Variants in MICU1 observed in about 807,000 individuals in gnomAD.
MICU1 encodes the protein calcium uptake protein 1, mitochondrial.
In MICU1, 45 loss-of-function variants were observed where a neutral mutation model predicts 56.8. The observed-to-expected ratio is 0.79, with a 90% CI of 0.62 to 1.02. The LOEUF (loss-of-function observed/expected upper bound fraction) is 1.02, where lower values mean the gene tolerates loss of function less well. Among genes scored for constraint, MICU1 ranks in the 50% least tolerant of loss-of-function variants. The probability of loss-of-function intolerance (pLI) is 0.00; values close to 1 mark genes in which losing one functional copy is unlikely to be tolerated. For missense variants in MICU1, 504 were observed against 587.1 expected, an observed-to-expected ratio of 0.86 and a Z score of 1.46; for synonymous variants, 186 against 195.1, an observed-to-expected ratio of 0.95 and a Z score of 0.39.
intron 8 of MICU1, among the ~76,000 whole-genome samples, chr10:72,471,577 TTTTA>T (rs773868344): frequency 2.7e-5 from 3 of 112,362 alleles, no homozygotes; most frequent in Non-Finnish European, 7.8e-5. Context: ...TTTTGTTTGT[TTTTA>T]TTGTTTTTTT....
chr10:72,484,552 A>C (rs564592680), intron 6 of MICU1, among the ~76,000 whole-genome samples: 1 of 152,200 alleles, frequency 6.6e-6, no homozygotes, highest in Non-Finnish European at 1.5e-5. Context: ...AAACAACTGT[A>C]ATCTAAGAAT....
chr10:72,416,376 A>G (rs948773033), intron 9 of MICU1, among the ~76,000 whole-genome samples: 6 of 152,194 alleles, frequency 3.9e-5, no homozygotes, highest in Admixed American at 1.3e-4. Flanking sequence ...GCTATACTAC[A>G]TAGTGACTGG....
At chr10:72,574,254 C>T (rs1198104502) in intron 1 of MICU1, among the ~76,000 whole-genome samples, 6 of 152,154 alleles carry the variant, frequency 3.9e-5, no homozygotes, top group East Asian at 1.9e-4. Context: ...GTCAGCCGGG[C>T]GTGGTGGCTC....
rs5786080 is a variant in MICU1 at position 72,485,232 on chromosome 10, C to CGTTTT, written c.653-7981_653-7977dup. Among the ~76,000 whole-genome samples, 105 of 150,374 alleles carry CGTTTT rather than the reference C, an allele frequency of 7.0e-4. No individual in the cohort carries two copies. In the Middle Eastern group the frequency reaches 0.017, roughly 25 times the overall value. ...AATAAAAGTCTTAAGTTTAAATAAT[C>CGTTTT]GTTTTGTTTTGTTTTGTTTTGTTTT... is the stretch of plus-strand genomic sequence containing the variant. On this transcript the variant is annotated intron_variant, in intron 6 of 11. Transcript: ENST00000361114.
intron 1 of MICU1, among the ~76,000 whole-genome samples, chr10:72,567,117 A>T (rs1160261251): frequency 2.0e-5 from 3 of 152,066 alleles, no homozygotes; most frequent in Non-Finnish European, 4.4e-5. Context: ...GGGAGGCCAA[A>T]GAGAGAGGAT....
intron 5 of MICU1, among the ~76,000 whole-genome samples, chr10:72,530,076 G>A (rs115358307): frequency 0.034 from 5,112 of 149,324 alleles, 281 homozygotes; most frequent in African/African-American, 0.11. Context: ...GCCTGTAATC[G>A]CAACACTTCG....
chr10:72,367,845 G>T lies in MICU1; in HGVS notation c.*350C>A, dbSNP rs529222989. The T allele has an allele frequency of 6.5e-4, 139 of 213,784 alleles. No individual in the cohort carries two copies. Among genetic ancestry groups the T allele is most frequent in the African/African-American group, 2.9e-3 (128 of 44,114 alleles). The allele number at this position is 213,784 out of a possible 1,614,324, so 13.2% of individuals were successfully genotyped here. A position where few individuals can be genotyped will look rare whatever the true frequency, so the allele number is the denominator to read the frequency against. The stretch of plus-strand genomic sequence containing the variant: ...GTTAGTATAAATCCATAGCAAAAAC[G>T]ATTTGAGAACTGGATGCTTCCCAGG... On this transcript the variant is annotated 3_prime_UTR_variant, in exon 12 of 12. Transcript: ENST00000361114.
chr10:72,412,018 C>A (rs111291017), intron 9 of MICU1, among the ~76,000 whole-genome samples: 1,934 of 152,268 alleles, frequency 0.013, 43 homozygotes, highest in African/African-American at 0.044. Flanking sequence ...AATCACTTAT[C>A]ATTATGCCAA....
intron 10 of MICU1, among the ~76,000 whole-genome samples, chr10:72,395,399 T>G (rs1863215677): frequency 6.6e-6 from 1 of 152,134 alleles, no homozygotes; most frequent in South Asian, 2.1e-4. Context: ...CATTTACAAT[T>G]GAGGTATCTG....
At chr10:72,427,733 AATATATATATATATATATATATAT>A (rs58696519) in intron 8 of MICU1, among the ~76,000 whole-genome samples, 4 of 136,290 alleles carry the variant, frequency 2.9e-5, no homozygotes. Context: ...CCATCTCTAA[AATATATATATATATATATATATAT>A]ATATATATAT....
intron 8 of MICU1, among the ~76,000 whole-genome samples, chr10:72,456,538 T>C (rs1865462568): frequency 6.6e-6 from 1 of 152,134 alleles, no homozygotes; most frequent in Admixed American, 6.5e-5. Flanking sequence ...TGAGTGAGCT[T>C]AGAAGAGGCC....
intron 2 of MICU1, among the ~76,000 whole-genome samples, chr10:72,563,703 G>A (rs2132468980): frequency 6.6e-6 from 1 of 152,284 alleles, no homozygotes; most frequent in East Asian, 1.9e-4. Context: ...TTAAAATGGT[G>A]AAGACATGTG....
intron 5 of MICU1, among the ~76,000 whole-genome samples, chr10:72,516,590 C>A (rs918036570): frequency 6.6e-6 from 1 of 152,114 alleles, no homozygotes; most frequent in African/African-American, 2.4e-5. Context: ...AGTCTTTAAT[C>A]CATCTCGAGT....
chr10:72,458,553 T>C (rs941554677), intron 8 of MICU1, among the ~76,000 whole-genome samples: 3 of 152,286 alleles, frequency 2.0e-5, no homozygotes, highest in South Asian at 4.1e-4. Context: ...GTTGGCAATT[T>C]TCTGGAAGGC....
rs368076919 is a variant in MICU1, at chr10:72,566,602, C to T, written c.161+31G>A. 189 of 1,592,988 alleles carry T rather than the reference C, an allele frequency of 1.2e-4. No homozygotes were observed. The Admixed American group carries it at 1.5e-3, about 12-fold the overall frequency. The stretch of plus-strand genomic sequence containing the variant: ...AGATGACTGGAAGAATAAAAGTATA[C>T]GCAAGAACAAGATGGTTGGATAACA... On this transcript the variant is annotated intron_variant, in intron 2 of 11. Transcript: ENST00000361114.
intron 10 of MICU1, among the ~76,000 whole-genome samples, chr10:72,382,336 T>C (rs1467168947): frequency 6.6e-6 from 1 of 151,498 alleles, no homozygotes; most frequent in African/African-American, 2.4e-5. Flanking sequence ...GGTCTCGAAC[T>C]CCTGACCTCA....
chr10:72,445,005 T>C (rs1465310595), intron 8 of MICU1, among the ~76,000 whole-genome samples: 1 of 152,184 alleles, frequency 6.6e-6, no homozygotes, highest in Non-Finnish European at 1.5e-5. Context: ...CTCCTGAACT[T>C]TCAAGGATAT....
At chr10:72,449,821 T>A (rs1865239380) in intron 8 of MICU1, among the ~76,000 whole-genome samples, 1 of 152,050 alleles carries the variant, frequency 6.6e-6, no homozygotes, top group African/African-American at 2.4e-5. Context: ...AGTTCCCACA[T>A]ATGTTTGGGA....
chr10:72,368,407 C>G lies in MICU1; in HGVS notation c.1271-52G>C, dbSNP rs181354750. On this transcript the variant is annotated intron_variant, in intron 11 of 11. Coordinates refer to ENST00000361114, the MANE Select transcript of MICU1 (RefSeq NM_001195518.2). ...GATAAGTGTTGGCCTTGGAACAACA[C>G]CACTGATATAATTCCATTGTCCACA... is the stretch of plus-strand genomic sequence containing the variant. The G allele has an allele frequency of 1.5e-5, 23 of 1,572,168 alleles. No homozygotes were observed. In the East Asian group the frequency reaches 3.2e-4, roughly 22 times the overall value.
Sources: allele counts gnomAD v4.1 joint callset (sites outside exome capture counted in the v4.1 genomes callset), GRCh38; gene constraint gnomAD v4.1.1; transcripts MANE v1.5; gene names NCBI Gene and HGNC (gene_info 2026-07-23, HGNC 2026-07-21).